The following DPP6 variants were observed in gnomAD, a reference collection of about 807,000 sequenced individuals.
DPP6 encodes A-type potassium channel modulatory protein DPP6.
DPP6 carries 69 observed loss-of-function variants against 122.6 expected under a neutral mutation model. The ratio of observed to expected loss-of-function variants is 0.56; its 90% CI spans 0.46 to 0.69. The LOEUF (loss-of-function observed/expected upper bound fraction) is 0.69, where lower values mean the gene tolerates loss of function less well. Among genes scored for constraint, DPP6 ranks in the 30% least tolerant of loss-of-function variants. DPP6 has a pLI of 0.00. For missense variants in DPP6, 928 were observed against 1,116.9 expected, an observed-to-expected ratio of 0.83 and a Z score of 2.41; for synonymous variants, 418 against 433.1, an observed-to-expected ratio of 0.97 and a Z score of 0.43.
At chr7:154,098,454 C>T (rs1805492118) in intron 1 of DPP6, among the ~76,000 whole-genome samples, 1 of 152,106 alleles carries the variant, frequency 6.6e-6, no homozygotes, top group East Asian at 1.9e-4. Context: ...TTTTTAAAAT[C>T]ACAAAATTTC....
intron 1 of DPP6, among the ~76,000 whole-genome samples, chr7:154,334,324 A>C (rs1364475057): frequency 2.0e-5 from 3 of 152,202 alleles, no homozygotes; most frequent in Non-Finnish European, 4.4e-5. Flanking sequence ...AAGGGAAAGC[A>C]GTAAGATGCA....
chr7:154,830,368 G>T (rs189076957), intron 16 of DPP6, among the ~76,000 whole-genome samples: 11 of 152,180 alleles, frequency 7.2e-5, no homozygotes, highest in African/African-American at 2.7e-4. Context: ...TCGGGGGACT[G>T]GGGGGCCATG....
chr7:153,993,668 G>C (rs189131787), intron 1 of DPP6, among the ~76,000 whole-genome samples: 1 of 152,184 alleles, frequency 6.6e-6, no homozygotes. Context: ...ATCATAATGG[G>C]TGTGAGTTCT....
intron 1 of DPP6, among the ~76,000 whole-genome samples, chr7:153,929,349 A>T (rs986632290): frequency 5.9e-5 from 9 of 152,138 alleles, no homozygotes; most frequent in Non-Finnish European, 1.2e-4. Flanking sequence ...GAGCAACTGG[A>T]AGAATGCAGT....
rs1451148906 is a variant in DPP6 at position 154,605,115 on chromosome 7, G to T, written c.628-32706G>T. On this transcript the variant is annotated intron_variant, in intron 5 of 25. Transcript: ENST00000377770. ...TATAAATATGCACTGTGTTTTCAAAGAATTTATTTTTCTTTGCATATAGAG... is the reference window on the plus strand; with the variant it reads ...TATAAATATGCACTGTGTTTTCAAATAATTTATTTTTCTTTGCATATAGAG... Among the ~76,000 whole-genome samples the T allele has an allele frequency of 1.7e-5, 2 of 117,912 alleles. 1 individual carries two copies. The highest frequency in any genetic ancestry group is 5.4e-5 in the African/African-American group (2 of 37,288). 77.4% of individuals were successfully genotyped at this position (117,912 alleles called of 152,430 possible).
intron 1 of DPP6, among the ~76,000 whole-genome samples, chr7:154,237,432 G>A (rs747490239): frequency 1.3e-5 from 2 of 152,194 alleles, no homozygotes; most frequent in East Asian, 3.9e-4. Flanking sequence ...CTGACACCCA[G>A]TGTTAGGTTT....
chr7:154,167,897 G>A (rs754364581), intron 1 of DPP6, among the ~76,000 whole-genome samples: 2 of 152,200 alleles, frequency 1.3e-5, no homozygotes, highest in Non-Finnish European at 2.9e-5. Context: ...TATGCAGGGC[G>A]AATGCTGCTT....
At chr7:153,869,757 A>G in the DPP6 span, among the ~76,000 whole-genome samples, 1 of 152,132 alleles carries the variant, frequency 6.6e-6, no homozygotes, top group African/African-American at 2.4e-5. Flanking sequence ...GATGGTCTTT[A>G]CAATTTGGCA....
chr7:154,203,742 C>T (rs1799290517), intron 1 of DPP6, among the ~76,000 whole-genome samples: 1 of 152,176 alleles, frequency 6.6e-6, no homozygotes, highest in Non-Finnish European at 1.5e-5. Flanking sequence ...ATCTGTGAGG[C>T]CGTAGTGCAG....
intron 6 of DPP6, among the ~76,000 whole-genome samples, chr7:154,665,210 A>G: frequency 6.6e-6 from 1 of 152,098 alleles, no homozygotes; most frequent in East Asian, 1.9e-4. Context: ...ATATCACATA[A>G]ATGATTATTT....
chr7:154,419,651 C>T (rs1350484781), intron 1 of DPP6, among the ~76,000 whole-genome samples: 3 of 152,184 alleles, frequency 2.0e-5, no homozygotes, highest in Non-Finnish European at 4.4e-5. Context: ...TGAAGGAAAC[C>T]AGTCTATAAA....
At chr7:154,862,251 G>T (rs1056977715) in intron 17 of DPP6, among the ~76,000 whole-genome samples, 1 of 152,232 alleles carries the variant, frequency 6.6e-6, no homozygotes, top group Non-Finnish European at 1.5e-5. Flanking sequence ...AGAGGCACAG[G>T]AAAGGAGCAG....
At chr7:153,936,476 G>A (rs1383009732) in intron 1 of DPP6, among the ~76,000 whole-genome samples, 1 of 152,056 alleles carries the variant, frequency 6.6e-6, no homozygotes, top group African/African-American at 2.4e-5. Context: ...CTTCCCGCAC[G>A]TAGACAGAGT....
chr7:153,842,346 C>A, the DPP6 span, among the ~76,000 whole-genome samples: 8 of 152,212 alleles, frequency 5.3e-5, no homozygotes, highest in African/African-American at 1.9e-4. Flanking sequence ...ATTTGCAAAT[C>A]ATTTTGACTA....
intron 1 of DPP6, among the ~76,000 whole-genome samples, chr7:154,297,788 T>C (rs2150974408): frequency 6.6e-6 from 1 of 152,280 alleles, no homozygotes; most frequent in East Asian, 1.9e-4. Flanking sequence ...GGTCTCATGG[T>C]TCCAGATTGT....
chr7:154,626,877 G>T (rs1055460428), intron 5 of DPP6, among the ~76,000 whole-genome samples: 1 of 152,012 alleles, frequency 6.6e-6, no homozygotes, highest in African/African-American at 2.4e-5. Flanking sequence ...CCAAGGGAAA[G>T]ATCAAGAACC....
At chr7:154,010,529 T>G (rs1170543758) in intron 1 of DPP6, among the ~76,000 whole-genome samples, 1 of 152,252 alleles carries the variant, frequency 6.6e-6, no homozygotes, top group Non-Finnish European at 1.5e-5. Flanking sequence ...CTCATCTACG[T>G]GCATGTCAAT....
chr7:153,967,947 T>C (rs988777484), intron 1 of DPP6, among the ~76,000 whole-genome samples: 1 of 151,694 alleles, frequency 6.6e-6, no homozygotes, highest in African/African-American at 2.4e-5. Flanking sequence ...CACATTTTCT[T>C]TATCCAGTTC....
the DPP6 span, among the ~76,000 whole-genome samples, chr7:153,840,230 A>T: frequency 6.6e-6 from 1 of 152,216 alleles, no homozygotes; most frequent in Non-Finnish European, 1.5e-5. Flanking sequence ...TCAATTACTA[A>T]TTGCATTAAA....
Sources: allele counts gnomAD v4.1 joint callset (sites outside exome capture counted in the v4.1 genomes callset), GRCh38; gene constraint gnomAD v4.1.1; transcripts MANE v1.5; gene names NCBI Gene and HGNC (gene_info 2026-07-23, HGNC 2026-07-21).